Variants in CHLSN observed in about 807,000 individuals in gnomAD.
CHLSN encodes cholesin, also known as protein cholesin.
chr7:1,062,976 C>T, the CHLSN span, among the ~76,000 whole-genome samples: 2 of 152,186 alleles, frequency 1.3e-5, no homozygotes, highest in Non-Finnish European at 2.9e-5. Flanking sequence ...CCTCAACACC[C>T]TCATCTGAAC....
the CHLSN span, among the ~76,000 whole-genome samples, chr7:1,017,937 AT>A: frequency 6.6e-6 from 1 of 152,174 alleles, no homozygotes; most frequent in Non-Finnish European, 1.5e-5. Context: ...GGTGCATTTT[AT>A]TTTCTAAAAT....
chr7:1,046,808 G>A, the CHLSN span, among the ~76,000 whole-genome samples: 5 of 152,228 alleles, frequency 3.3e-5, no homozygotes, highest in Non-Finnish European at 7.3e-5. Flanking sequence ...TGGAACCAAA[G>A]CAAGCCTTGC....
the CHLSN span, among the ~76,000 whole-genome samples, chr7:1,044,977 C>T: frequency 6.6e-6 from 1 of 152,278 alleles, no homozygotes; most frequent in Non-Finnish European, 1.5e-5. Context: ...ACCACTGATC[C>T]TGCTCTCCTG....
the CHLSN span, among the ~76,000 whole-genome samples, chr7:1,114,698 C>CA: frequency 9.5e-3 from 1,440 of 152,338 alleles, 10 homozygotes; most frequent in Non-Finnish European, 0.014. Context: ...GGAACACCAG[C>CA]AAACCAGGGC....
chr7:988,002 G>GGGGGGGCCCCTCTGTGTGTCCT, the CHLSN span, among the ~76,000 whole-genome samples: 1 of 97,896 alleles, frequency 1.0e-5, no homozygotes, highest in African/African-American at 3.7e-5. Context: ...TGTGTGTCCT[G>GGGGGGGCCCCTCTGTGTGTCCT]GGGGGTCCCC....
At chr7:1,008,537 T>C in the CHLSN span, among the ~76,000 whole-genome samples, 2 of 152,150 alleles carry the variant, frequency 1.3e-5, no homozygotes, top group South Asian at 2.1e-4. Flanking sequence ...AGACCCATGA[T>C]GACTCAACTG....
At chr7:984,639 G>T in the CHLSN span, 7 of 1,505,328 alleles carry the variant, frequency 4.7e-6, no homozygotes, top group Admixed American at 2.3e-5. Flanking sequence ...CAGGAGGGGT[G>T]GGGGCTCCAG....
chr7:1,106,004 G>GT, the CHLSN span, among the ~76,000 whole-genome samples: 5,151 of 152,266 alleles, frequency 0.034, 285 homozygotes, highest in African/African-American at 0.12. Context: ...GAGAGGTGAA[G>GT]GGGCAGAGGG....
chr7:994,849 T>C, the CHLSN span, among the ~76,000 whole-genome samples: 1 of 152,244 alleles, frequency 6.6e-6, no homozygotes. Flanking sequence ...TCACAGCCCA[T>C]CGCTTATGGC....
the CHLSN span, among the ~76,000 whole-genome samples, chr7:1,007,581 A>G: frequency 1.3e-5 from 2 of 152,210 alleles, no homozygotes; most frequent in Non-Finnish European, 2.9e-5. Flanking sequence ...CCCAGGAAAG[A>G]GGAGAAGCTC....
chr7:1,085,894 G>A, the CHLSN span, among the ~76,000 whole-genome samples: 183 of 152,212 alleles, frequency 1.2e-3, no homozygotes, highest in Non-Finnish European at 1.7e-3. Flanking sequence ...TAGTCCACGA[G>A]ATTCCTGCCA....
the CHLSN span, among the ~76,000 whole-genome samples, chr7:992,405 C>T: frequency 6.6e-6 from 1 of 152,228 alleles, no homozygotes; most frequent in Non-Finnish European, 1.5e-5. Flanking sequence ...CCACAGTAAG[C>T]TCGGAGGGTG....
the CHLSN span, chr7:1,092,379 C>T: frequency 2.7e-5 from 43 of 1,588,588 alleles, no homozygotes; most frequent in Non-Finnish European, 3.2e-5. Context: ...TGCAGTGGCT[C>T]GAGGTCACGC....
At chr7:1,030,901 T>C in the CHLSN span, among the ~76,000 whole-genome samples, 3 of 152,190 alleles carry the variant, frequency 2.0e-5, no homozygotes, top group African/African-American at 7.2e-5. Context: ...GGCTGCTTAC[T>C]GCACCGGCAC....
chr7:1,007,126 G>C, the CHLSN span, among the ~76,000 whole-genome samples: 1 of 152,094 alleles, frequency 6.6e-6, no homozygotes, highest in Admixed American at 6.5e-5. Context: ...AATGGGTGGG[G>C]TGCCTCCCAG....
chr7:1,045,964 A>G, the CHLSN span: 4 of 152,268 alleles, frequency 2.6e-5, no homozygotes, highest in African/African-American at 9.6e-5. Context: ...TGTAAATGTG[A>G]AAGTTGACTT....
At chr7:1,070,623 C>T in the CHLSN span, among the ~76,000 whole-genome samples, 1 of 144,434 alleles carries the variant, frequency 6.9e-6, no homozygotes, top group African/African-American at 2.5e-5. Context: ...TGCACACACG[C>T]ACACAACACG....
chr7:1,068,566 G>A, the CHLSN span, among the ~76,000 whole-genome samples: 7 of 152,252 alleles, frequency 4.6e-5, no homozygotes, highest in East Asian at 1.4e-3. Flanking sequence ...TGTCTTGCTT[G>A]CTTAGGTCAG....
At chr7:1,066,284 G>C in the CHLSN span, among the ~76,000 whole-genome samples, 647 of 152,368 alleles carry the variant, frequency 4.2e-3, 5 homozygotes, top group African/African-American at 0.015. Context: ...TGCGGCCGTA[G>C]GTGTCTGCGC....
Sources: gnomAD v4.1 joint callset for allele counts (sites outside exome capture counted in the v4.1 genomes callset) on GRCh38, gnomAD v4.1.1 for gene constraint, MANE v1.5 for transcripts, NCBI Gene and HGNC (gene_info 2026-07-23, HGNC 2026-07-21) for gene names.